Variants in ATP6V1C1 observed in about 807,000 individuals in gnomAD.
ATP6V1C1 encodes the protein V-type proton ATPase subunit C 1.
Under a neutral mutation model 53.9 loss-of-function variants are expected in ATP6V1C1, and 45 were observed. The observed-to-expected ratio is 0.83, with a 90% CI of 0.66 to 1.07. The LOEUF is 1.07. Among genes scored for constraint, ATP6V1C1 ranks in the 50% least tolerant of loss-of-function variants. The pLI is 0.00. For missense variants in ATP6V1C1, 315 were observed against 440.3 expected, an observed-to-expected ratio of 0.72 and a Z score of 2.55; for synonymous variants, 153 against 155.2, an observed-to-expected ratio of 0.99 and a Z score of 0.11.
At chr8:103,042,297 T>C (rs28566904) in intron 2 of ATP6V1C1, 43 bp from the exon 3 acceptor site, 1 of 1,486,424 alleles carries the variant, frequency 6.7e-7, no homozygotes, top group Non-Finnish European at 9.2e-7. Context: ...TTTTTTTTTT[T>C]AAAAAAGCAT....
rs1817608326 is a variant in ATP6V1C1, at chr8:103,072,829, C to T, written c.*4082C>T. The stretch of plus-strand genomic sequence containing the variant: ...AAGAGACTGCCGCCTGGCATGGTTT[C>T]TTCTTCTGCAGAAGATGAAACTGAG... On this transcript the variant is annotated 3_prime_UTR_variant, in exon 13 of 13. Coordinates refer to ENST00000518738, the MANE Select transcript of ATP6V1C1 (RefSeq NM_001695.5). The T allele has an allele frequency of 6.6e-6, 1 of 152,232 alleles. No homozygotes were observed. The highest frequency in any genetic ancestry group is 6.5e-5 in the Admixed American group (1 of 15,282). The allele number at this position is 152,232 out of a possible 1,614,324, so 9.4% of individuals were successfully genotyped here. A position where few individuals can be genotyped will look rare whatever the true frequency, so the allele number is the denominator to read the frequency against.
At chr8:103,036,093 C>G (rs796294864) in intron 1 of ATP6V1C1, among the ~76,000 whole-genome samples, 4 of 152,274 alleles carry the variant, frequency 2.6e-5, no homozygotes, top group African/African-American at 9.6e-5. Flanking sequence ...GTGGATTTCT[C>G]TTCAAATAGG....
At chr8:103,055,256 G>A (rs1475525192) in intron 7 of ATP6V1C1, among the ~76,000 whole-genome samples, 1 of 151,988 alleles carries the variant, frequency 6.6e-6, no homozygotes, top group Non-Finnish European at 1.5e-5. Flanking sequence ...TGAAACATAG[G>A]ACCTAGGACA....
chr8:103,067,785 A>C (rs777149892), intron 12 of ATP6V1C1, among the ~76,000 whole-genome samples: 91 of 151,856 alleles, frequency 6.0e-4, no homozygotes, highest in Non-Finnish European at 1.0e-3. Flanking sequence ...CGGTTTCACC[A>C]TGTTGGCCAG....
chr8:103,062,161 G>GT (rs767825523), intron 8 of ATP6V1C1, among the ~76,000 whole-genome samples: 15,670 of 70,780 alleles, frequency 0.22, 4,963 homozygotes, highest in Admixed American at 0.24. Flanking sequence ...GTTCATCAGG[G>GT]TTTTTTTTTT....
rs530529553 is a variant in ATP6V1C1 at position 103,070,443 on chromosome 8, T to G, written c.*1696T>G. ...GACATGTTTGGAGTGTGGATTTATCTTCAGTTTTTCTTTGGACAAGAGGAA... is the reference window on the plus strand; with the variant it reads ...GACATGTTTGGAGTGTGGATTTATCGTCAGTTTTTCTTTGGACAAGAGGAA... On this transcript the variant is annotated 3_prime_UTR_variant, in exon 13 of 13. Transcript: ENST00000518738. 7.2e-5 allele frequency: 11 copies of G among 152,370 alleles called. No homozygotes were observed. Among genetic ancestry groups the G allele is most frequent in the African/African-American group, 2.6e-4 (11 of 41,592 alleles). The allele number at this position is 152,370 out of a possible 1,614,324, so 9.4% of individuals were successfully genotyped here.
chr8:103,056,019 G>C, intron 8 of ATP6V1C1, 83 bp downstream of exon 8: 2 of 1,360,374 alleles, frequency 1.5e-6, no homozygotes, highest in Admixed American at 1.8e-5. Flanking sequence ...TATGTTTGCT[G>C]TCTTGCCTTT....
At chr8:103,055,773 A>G (rs1817280516) in intron 7 of ATP6V1C1, 95 bp from the exon 8 acceptor site, 1 of 1,185,812 alleles carries the variant, frequency 8.4e-7, no homozygotes, top group African/African-American at 1.6e-5. Context: ...CTATAGCCAG[A>G]TTTCCTATTT....
intron 3 of ATP6V1C1, among the ~76,000 whole-genome samples, chr8:103,048,586 C>A (rs1817146238): frequency 6.6e-6 from 1 of 152,156 alleles, no homozygotes; most frequent in African/African-American, 2.4e-5. Context: ...TTTACAGACT[C>A]TTTCTCACTA....
intron 8 of ATP6V1C1, among the ~76,000 whole-genome samples, chr8:103,059,970 C>T (rs1817367480): frequency 6.7e-6 from 1 of 149,948 alleles, no homozygotes; most frequent in South Asian, 2.1e-4. Flanking sequence ...GTTTTTCTTT[C>T]TTTCTTTTTT....
chr8:103,023,246 A>G (rs1293391874), intron 1 of ATP6V1C1, among the ~76,000 whole-genome samples: 1 of 150,470 alleles, frequency 6.6e-6, no homozygotes, highest in African/African-American at 2.4e-5. Context: ...GAAGCCAGTG[A>G]AGATTACAGG....
chr8:103,047,263 C>T (rs999782533), intron 3 of ATP6V1C1, among the ~76,000 whole-genome samples: 1 of 151,952 alleles, frequency 6.6e-6, no homozygotes, highest in African/African-American at 2.4e-5. Flanking sequence ...TGTTAACAAG[C>T]CAGGCTTGTG....
intron 3 of ATP6V1C1, among the ~76,000 whole-genome samples, chr8:103,044,014 G>A (rs1343335168): frequency 1.3e-5 from 2 of 151,962 alleles, no homozygotes; most frequent in Non-Finnish European, 2.9e-5. Flanking sequence ...TCAGCCTCCC[G>A]AGTAGCTGAG....
Position 103,052,829 on chromosome 8 carries a change from A to G in ATP6V1C1, c.473+7A>G, listed in dbSNP as rs1451109755. 1 of 1,553,144 alleles carries G rather than the reference A, an allele frequency of 6.4e-7. No homozygotes were observed. The highest frequency in any genetic ancestry group is 1.2e-5 in the South Asian group (1 of 84,278). On this transcript the variant is annotated splice_region_variant and intron_variant, in intron 6 of 12. Coordinates refer to ENST00000518738, the MANE Select transcript of ATP6V1C1 (RefSeq NM_001695.5). Reference sequence around the variant, plus strand: ...ATTTGGAACGAAAGAATGCGTAAGCAGATCAAGTATATTTGAGTACTAAGA... The same window carrying G: ...ATTTGGAACGAAAGAATGCGTAAGCGGATCAAGTATATTTGAGTACTAAGA...
intron 1 of ATP6V1C1, among the ~76,000 whole-genome samples, chr8:103,032,087 G>A (rs1816807542): frequency 6.6e-6 from 1 of 151,888 alleles, no homozygotes; most frequent in South Asian, 2.1e-4. Flanking sequence ...CTTTTCAAAA[G>A]CATCATTAAG....
intron 3 of ATP6V1C1, among the ~76,000 whole-genome samples, chr8:103,048,591 T>C (rs960583957): frequency 1.3e-5 from 2 of 152,214 alleles, no homozygotes; most frequent in Non-Finnish European, 2.9e-5. Context: ...AGACTCTTTC[T>C]CACTAGCTTC....
chr8:103,057,804 A>G (rs980921689), intron 8 of ATP6V1C1, among the ~76,000 whole-genome samples: 2 of 152,216 alleles, frequency 1.3e-5, no homozygotes, highest in Admixed American at 1.3e-4. Flanking sequence ...TAGGAACTTA[A>G]CAACAAACTT....
chr8:103,040,280 G>T (rs1211148599), intron 1 of ATP6V1C1, among the ~76,000 whole-genome samples: 1 of 151,982 alleles, frequency 6.6e-6, no homozygotes, highest in Non-Finnish European at 1.5e-5. Context: ...TGGGTGTGAT[G>T]GTGCATGGCT....
rs1817545450 is a variant in ATP6V1C1 at position 103,069,224 on chromosome 8, TTCAA to T, written c.*483_*486del. On this transcript the variant is annotated 3_prime_UTR_variant, in exon 13 of 13. Coordinates refer to ENST00000518738, the MANE Select transcript of ATP6V1C1 (RefSeq NM_001695.5). ...TATGGGATTTCTGAACGTTTCAAAT[TTCAA>T]TCAATGAGCACTGTCAACACCCACA... 6.6e-6 allele frequency: 1 copy of T among 152,328 alleles called. No homozygotes were observed. The highest frequency in any genetic ancestry group is 2.4e-5 in the African/African-American group (1 of 41,446). The allele number at this position is 152,328 out of a possible 1,614,324, so 9.4% of individuals were successfully genotyped here.
Sources: allele counts gnomAD v4.1 joint callset (sites outside exome capture counted in the v4.1 genomes callset), GRCh38; gene constraint gnomAD v4.1.1; transcripts MANE v1.5; gene names NCBI Gene and HGNC (gene_info 2026-07-23, HGNC 2026-07-21).